Variants in WASF3 observed in about 807,000 individuals in gnomAD.
WASF3 encodes actin-binding protein WASF3.
In WASF3, 11 loss-of-function variants were observed where a neutral mutation model predicts 46.6. That is an observed-to-expected ratio of 0.24 (90% CI 0.15 to 0.39). The LOEUF is 0.39. Among genes scored for constraint, WASF3 ranks in the 10% least tolerant of loss-of-function variants. The pLI is 1.00. For synonymous variants in WASF3, 242 were observed against 259.7 expected, an observed-to-expected ratio of 0.93 and a Z score of 0.65; for missense variants, 576 against 669.8, an observed-to-expected ratio of 0.86 and a Z score of 1.55.
intron 1 of WASF3, among the ~76,000 whole-genome samples, chr13:26,593,383 TC>T (rs1880362557): frequency 6.6e-6 from 1 of 152,176 alleles, no homozygotes. Flanking sequence ...GAAGATCAAA[TC>T]ATAAAGTGTC....
intron 3 of WASF3, among the ~76,000 whole-genome samples, chr13:26,652,822 G>A (rs936155045): frequency 6.6e-6 from 1 of 152,172 alleles, no homozygotes; most frequent in South Asian, 2.1e-4. Flanking sequence ...GTGGGATTTT[G>A]TTAAAGAAGT....
chr13:26,628,218 A>G (rs1881533336), intron 2 of WASF3, among the ~76,000 whole-genome samples: 1 of 152,176 alleles, frequency 6.6e-6, no homozygotes, highest in Admixed American at 6.5e-5. Context: ...TCCAAATAGT[A>G]AGAAAACAAA....
At chr13:26,599,466 T>C (rs1324708349) in intron 1 of WASF3, among the ~76,000 whole-genome samples, 9 of 152,160 alleles carry the variant, frequency 5.9e-5, no homozygotes, top group African/African-American at 2.2e-4. Flanking sequence ...TGACGTGACA[T>C]AGGGGCTCTC....
At chr13:26,676,876 G>T in intron 7 of WASF3, 152 bp downstream of exon 7, 2 of 719,182 alleles carry the variant, frequency 2.8e-6, no homozygotes, top group Non-Finnish European at 4.2e-6. Context: ...TCTGTATTTT[G>T]ATTTTGAAAT....
intron 2 of WASF3, among the ~76,000 whole-genome samples, chr13:26,618,189 A>T (rs1282700116): frequency 6.6e-6 from 1 of 152,118 alleles, no homozygotes; most frequent in Non-Finnish European, 1.5e-5. Context: ...CTTTTTGTTA[A>T]AAAAATTAAT....
intron 3 of WASF3, among the ~76,000 whole-genome samples, chr13:26,648,060 G>T (rs1262241801): frequency 6.6e-6 from 1 of 152,074 alleles, no homozygotes; most frequent in African/African-American, 2.4e-5. Context: ...ATAGTTATTT[G>T]TGGGGGAACG....
intron 1 of WASF3, among the ~76,000 whole-genome samples, chr13:26,574,225 A>C (rs148055201): frequency 5.9e-5 from 9 of 152,166 alleles, no homozygotes; most frequent in African/African-American, 1.4e-4. Context: ...CTCTCTCTCT[A>C]TATATACAGA....
At chr13:26,539,583 A>T in the WASF3 span, among the ~76,000 whole-genome samples, 2 of 145,264 alleles carry the variant, frequency 1.4e-5, no homozygotes, top group Non-Finnish European at 3.0e-5. Context: ...GCATTAAATT[A>T]AAAAAAAAAT....
At chr13:26,673,287 T>C (rs1391186654) in intron 6 of WASF3, among the ~76,000 whole-genome samples, 1 of 152,202 alleles carries the variant, frequency 6.6e-6, no homozygotes, top group African/African-American at 2.4e-5. Flanking sequence ...ATATTATGTC[T>C]TTAAAATCAT....
intron 1 of WASF3, among the ~76,000 whole-genome samples, chr13:26,607,884 C>T (rs776060043): frequency 6.6e-6 from 1 of 152,092 alleles, no homozygotes; most frequent in African/African-American, 2.4e-5. Flanking sequence ...GATAATCCTA[C>T]CTAGGCCTCT....
intron 1 of WASF3, among the ~76,000 whole-genome samples, chr13:26,572,864 CTT>C (rs1186429914): frequency 6.6e-6 from 1 of 152,010 alleles, no homozygotes; most frequent in Non-Finnish European, 1.5e-5. Flanking sequence ...GGTATAAACT[CTT>C]AATGTGGTGT....
At chr13:26,664,526 A>T (rs568121261) in intron 3 of WASF3, among the ~76,000 whole-genome samples, 1 of 152,370 alleles carries the variant, frequency 6.6e-6, no homozygotes, top group African/African-American at 2.4e-5. Context: ...TGCCTGAGTC[A>T]GCGCTATATA....
At chr13:26,582,792 C>T (rs72658724) in intron 1 of WASF3, among the ~76,000 whole-genome samples, 1,676 of 150,356 alleles carry the variant, frequency 0.011, 41 homozygotes, top group African/African-American at 0.038. Context: ...TAGAAAATTT[C>T]CCAGTAACTG....
At chr13:26,656,841 G>A (rs1882481972) in intron 3 of WASF3, among the ~76,000 whole-genome samples, 1 of 151,734 alleles carries the variant, frequency 6.6e-6, no homozygotes, top group Non-Finnish European at 1.5e-5. Flanking sequence ...AAATAGATTA[G>A]GTACAGAAAA....
At chr13:26,649,831 G>A (rs1008084458) in intron 3 of WASF3, among the ~76,000 whole-genome samples, 14 of 151,950 alleles carry the variant, frequency 9.2e-5, no homozygotes, top group African/African-American at 1.7e-4. Context: ...CTGTAATCCC[G>A]GCACTTTGGG....
rs193286810 is a variant in WASF3 at position 26,626,625 on chromosome 13, T to C, written c.-11+13567T>C. 1.8e-4 allele frequency among the ~76,000 whole-genome samples: 28 copies of C among 152,298 alleles called. No homozygotes were observed. The East Asian group carries it at 4.2e-3, about 23-fold the overall frequency. The stretch of plus-strand genomic sequence containing the variant: ...TGGATAAAAAAGCAACACAACCGTA[T>C]GCTCTCCAAAATAAATTCTCTTTAA... On this transcript the variant is annotated intron_variant, in intron 2 of 9. Transcript: ENST00000335327.
chr13:26,629,102 AAAG>A (rs1308894103), intron 2 of WASF3, among the ~76,000 whole-genome samples: 4 of 152,196 alleles, frequency 2.6e-5, no homozygotes, highest in Non-Finnish European at 5.9e-5. Context: ...CCTTCACTGT[AAAG>A]TGGGTCCCCT....
intron 1 of WASF3, among the ~76,000 whole-genome samples, chr13:26,610,708 C>T (rs1376310042): frequency 6.6e-6 from 1 of 152,122 alleles, no homozygotes; most frequent in Non-Finnish European, 1.5e-5. Context: ...CTGTCAGCAC[C>T]ATTCAGAGTG....
At chr13:26,591,215 C>G (rs956009093) in intron 1 of WASF3, among the ~76,000 whole-genome samples, 14 of 151,786 alleles carry the variant, frequency 9.2e-5, no homozygotes, top group Admixed American at 9.2e-4. Flanking sequence ...ATGTGGCTCT[C>G]TTAGGTCATC....
Sources: allele counts gnomAD v4.1 joint callset (sites outside exome capture counted in the v4.1 genomes callset), GRCh38; gene constraint gnomAD v4.1.1; transcripts MANE v1.5; gene names NCBI Gene and HGNC (gene_info 2026-07-23, HGNC 2026-07-21).